Variants in RTF1 observed in about 807,000 individuals in gnomAD.
RTF1 encodes RTF1 homolog, Paf1/RNA polymerase II complex component.
In RTF1, 10 loss-of-function variants were observed where a neutral mutation model predicts 95.7. The ratio of observed to expected loss-of-function variants is 0.10; its 90% CI spans 0.06 to 0.18. RTF1 has a LOEUF of 0.18. Among genes scored for constraint, RTF1 ranks in the 10% least tolerant of loss-of-function variants. The pLI is 1.00. For missense variants in RTF1, 458 were observed against 875.6 expected (o/e 0.52, Z 6.02); for synonymous variants, 305 against 311.8 (o/e 0.98, Z 0.23).
At chr15:41,470,650 CTTTTTTTTTTTTTTTT>C (rs58221683) in intron 7 of RTF1, among the ~76,000 whole-genome samples, 1 of 75,442 alleles carries the variant, frequency 1.3e-5, no homozygotes, top group Admixed American at 1.6e-4. Context: ...CATTCATTTT[CTTTTTTTTTTTTTTTT>C]TTTTTTTTTT....
intron 4 of RTF1, among the ~76,000 whole-genome samples, chr15:41,462,038 A>G (rs903293388): frequency 6.6e-6 from 1 of 151,514 alleles, no homozygotes. Context: ...TACAGGTGTG[A>G]ACCACCACCC....
At chr15:41,451,740 A>G (rs1200176439) in intron 2 of RTF1, among the ~76,000 whole-genome samples, 1 of 152,244 alleles carries the variant, frequency 6.6e-6, no homozygotes, top group African/African-American at 2.4e-5. Context: ...CACAAGCTAC[A>G]TTCACTGCCT....
At chr15:41,426,317 T>A (rs1172935069) in intron 1 of RTF1, among the ~76,000 whole-genome samples, 2 of 151,414 alleles carry the variant, frequency 1.3e-5, no homozygotes, top group African/African-American at 2.4e-5. Flanking sequence ...TTTTTATTTT[T>A]TTTTTTGGGA....
intron 11 of RTF1, among the ~76,000 whole-genome samples, chr15:41,476,058 G>T (rs1011974242): frequency 6.6e-6 from 1 of 152,182 alleles, no homozygotes; most frequent in African/African-American, 2.4e-5. Flanking sequence ...AACAAATGAG[G>T]CTACATACAC....
chr15:41,473,655 T>C (rs2050927069), intron 8 of RTF1, among the ~76,000 whole-genome samples: 1 of 152,260 alleles, frequency 6.6e-6, no homozygotes, highest in Middle Eastern at 3.4e-3. Context: ...CTTGAACTCC[T>C]GGACTCAAAC....
chr15:41,460,121 G>GTTTTTTTT (rs869235078), intron 4 of RTF1, among the ~76,000 whole-genome samples: 1 of 83,452 alleles, frequency 1.2e-5, no homozygotes, highest in Non-Finnish European at 2.6e-5. Flanking sequence ...TTTTGTTTTT[G>GTTTTTTTT]TTTTTTTTTT....
chr15:41,464,692 G>A (rs1041946065), intron 4 of RTF1, 79 bp from the exon 5 acceptor site: 30 of 1,259,806 alleles, frequency 2.4e-5, no homozygotes, highest in Non-Finnish European at 3.1e-5. Context: ...CTTTCCCTTA[G>A]TTCCTTTCTC....
intron 1 of RTF1, among the ~76,000 whole-genome samples, chr15:41,436,854 C>G (rs1254261716): frequency 6.6e-6 from 1 of 151,810 alleles, no homozygotes; most frequent in African/African-American, 2.4e-5. Context: ...TTTGGGAGGT[C>G]GAGTTGGGCG....
chr15:41,480,880 C>G lies in RTF1; in HGVS notation c.*193C>G, dbSNP rs1004396423. On this transcript the variant is annotated 3_prime_UTR_variant, in exon 18 of 18. Coordinates refer to ENST00000389629, the MANE Select transcript of RTF1 (RefSeq NM_015138.5). ...TGTCTGCACACCATCTCCCACCAGCCTCCCCTCCCCCAGGGCCCCACCCAG... is the reference window on the plus strand; with the variant it reads ...TGTCTGCACACCATCTCCCACCAGCGTCCCCTCCCCCAGGGCCCCACCCAG... The G allele has an allele frequency of 3.4e-6, 2 of 584,778 alleles. No homozygotes were observed. The highest frequency in any genetic ancestry group is 3.7e-5 in the African/African-American group (2 of 53,608). 36.2% of individuals were successfully genotyped at this position (584,778 alleles called of 1,614,324 possible).
chr15:41,465,037 A>G (rs917929287), intron 5 of RTF1, 152 bp downstream of exon 5: 2 of 1,284,846 alleles, frequency 1.6e-6, no homozygotes, highest in Non-Finnish European at 2.0e-6. Context: ...ATCTCTGGAC[A>G]TATCACCATT....
rs1294016966 is a variant in RTF1 at position 41,477,663 on chromosome 15, C to T, written c.1740+148C>T. 5 of 683,390 alleles carry T rather than the reference C, an allele frequency of 7.3e-6. No individual in the cohort carries two copies. The Admixed American group carries it at 7.3e-5, about 10-fold the overall frequency. The allele number at this position is 683,390 out of a possible 1,614,324, so 42.3% of individuals were successfully genotyped here. A position where few individuals can be genotyped will look rare whatever the true frequency, so the allele number is the denominator to read the frequency against. On this transcript the variant is annotated intron_variant, in intron 14 of 17. Coordinates refer to ENST00000389629, the MANE Select transcript of RTF1 (RefSeq NM_015138.5). ...ACTCTCTCTGTATGTCCACGTACAT[C>T]GATATAATTTATTCATAATGAAAAG...
rs79230104 is a variant in RTF1 at position 41,425,636 on chromosome 15, C to A, written c.198+8323C>A. The stretch of plus-strand genomic sequence containing the variant: ...CGCCAGGAGGGTAACCGTATGTGTT[C>A]ACTATGCTGTCCCTGGCATCTAGAG... On this transcript the variant is annotated intron_variant, in intron 1 of 17. Coordinates refer to ENST00000389629, the MANE Select transcript of RTF1 (RefSeq NM_015138.5). 2.6e-5 allele frequency among the ~76,000 whole-genome samples: 4 copies of A among 152,224 alleles called. No homozygotes were observed. In the East Asian group the frequency reaches 7.7e-4, roughly 29 times the overall value.
intron 16 of RTF1, among the ~76,000 whole-genome samples, chr15:41,479,980 A>C (rs2050962653): frequency 6.6e-6 from 1 of 151,688 alleles, no homozygotes. Context: ...GCTTAAGCCC[A>C]CCCTTTCTAC....
Position 41,429,499 on chromosome 15 carries a change from G to T in RTF1, c.199-8822G>T, listed in dbSNP as rs150727725. On this transcript the variant is annotated intron_variant, in intron 1 of 17. Coordinates refer to ENST00000389629, the MANE Select transcript of RTF1 (RefSeq NM_015138.5). Reference sequence around the variant, plus strand: ...GCTCTTTTAAAACCCTTGCTGGATTGGGTTACTCCCCTGCTTCAAACCATT... The same window carrying T: ...GCTCTTTTAAAACCCTTGCTGGATTTGGTTACTCCCCTGCTTCAAACCATT... Among the ~76,000 whole-genome samples, 598 of 149,648 alleles carry T rather than the reference G, an allele frequency of 4.0e-3. 5 individuals are homozygous for T. The highest frequency in any genetic ancestry group is 0.014 in the African/African-American group (576 of 40,598).
In RTF1 at chr15:41,475,644, C is replaced by T. The variant is rs779646217; in HGVS notation, c.1374+32C>T. 1.4e-5 allele frequency: 23 copies of T among 1,602,516 alleles called. No homozygotes were observed. The East Asian group carries it at 2.2e-4, about 16-fold the overall frequency. On this transcript the variant is annotated intron_variant, in intron 10 of 17. Transcript: ENST00000389629. Reference sequence around the variant, plus strand: ...GGCTAGAGATTACCTAGCAGTTGTTCGTGCACGTTGAGAAAATATCTTTCC... The same window carrying T: ...GGCTAGAGATTACCTAGCAGTTGTTTGTGCACGTTGAGAAAATATCTTTCC...
At chr15:41,458,607 G>C (rs574030434) in intron 4 of RTF1, among the ~76,000 whole-genome samples, 1 of 151,484 alleles carries the variant, frequency 6.6e-6, no homozygotes, top group Non-Finnish European at 1.5e-5. Flanking sequence ...AAATTAGCCT[G>C]GTGTGGTGTT....
At chr15:41,477,834 G>A (rs757873797) in intron 14 of RTF1, among the ~76,000 whole-genome samples, 6 of 152,312 alleles carry the variant, frequency 3.9e-5, no homozygotes, top group Admixed American at 6.5e-5. Flanking sequence ...TGCCGGGCGC[G>A]GTGTCTCACG....
chr15:41,476,781 C>T (rs2050943693), intron 12 of RTF1, among the ~76,000 whole-genome samples: 2 of 152,168 alleles, frequency 1.3e-5, no homozygotes, highest in South Asian at 2.1e-4. Flanking sequence ...TAAAATAGAC[C>T]CTGGGGTGGT....
chr15:41,451,042 TG>T (rs1205883881), intron 2 of RTF1, among the ~76,000 whole-genome samples: 2 of 152,150 alleles, frequency 1.3e-5, no homozygotes, highest in African/African-American at 4.8e-5. Context: ...ATAGCTCATA[TG>T]GAAAATTTCT....
Sources: gnomAD v4.1 joint callset for allele counts (sites outside exome capture counted in the v4.1 genomes callset) on GRCh38, gnomAD v4.1.1 for gene constraint, MANE v1.5 for transcripts, NCBI Gene and HGNC (gene_info 2026-07-23, HGNC 2026-07-21) for gene names.